ARAP2: variants seen among roughly 807,000 people sequenced by gnomAD.
ARAP2 encodes arf-GAP with Rho-GAP domain, ANK repeat and PH domain-containing protein 2.
Under a neutral mutation model 194.5 loss-of-function variants are expected in ARAP2, and 148 were observed. The observed-to-expected ratio is 0.76, with a 90% CI of 0.67 to 0.87. The LOEUF (loss-of-function observed/expected upper bound fraction) is 0.87, where lower values mean the gene tolerates loss of function less well. ARAP2 is among the 40% of genes least tolerant of loss of function. The pLI is 0.00. For synonymous variants in ARAP2, 695 were observed against 683.5 expected, an observed-to-expected ratio of 1.02 and a Z score of -0.26; for missense variants, 2,128 against 1,989.7, an observed-to-expected ratio of 1.07 and a Z score of -1.32.
At chr4:36,121,416 C>A in intron 22 of ARAP2, 90 bp from the exon 23 acceptor site, 3 of 1,201,704 alleles carry the variant, frequency 2.5e-6, no homozygotes, top group South Asian at 3.7e-5. Flanking sequence ...TTAAACACAG[C>A]AATATTGGAA....
intron 15 of ARAP2, among the ~76,000 whole-genome samples, chr4:36,156,405 A>G (rs868282646): frequency 0.033 from 384 of 11,506 alleles, 56 homozygotes; most frequent in African/African-American, 0.047. Flanking sequence ...GAAAGAAAGA[A>G]AGAAAGAAAG....
chr4:36,173,972 C>A (rs1046494536), intron 9 of ARAP2, among the ~76,000 whole-genome samples: 4 of 152,174 alleles, frequency 2.6e-5, no homozygotes, highest in Non-Finnish European at 5.9e-5. Flanking sequence ...TCATCATCAT[C>A]ATCAGAAAGG....
At position 36,081,816 on chromosome 4, in the gene ARAP2, G is replaced by T. The variant is rs190590582; in HGVS notation, c.4544+435C>A. On this transcript the variant is annotated intron_variant, in intron 30 of 32. Coordinates refer to ENST00000303965, the MANE Select transcript of ARAP2 (RefSeq NM_015230.4). Reference sequence around the variant, plus strand: ...CCGATTAGACACAGGGAGGTGAAGAGAAGGAAACATCTAGTACAATCTCTA... The same window carrying T: ...CCGATTAGACACAGGGAGGTGAAGATAAGGAAACATCTAGTACAATCTCTA... Among the ~76,000 whole-genome samples the T allele has an allele frequency of 2.0e-5, 3 of 152,130 alleles. No individual in the cohort carries two copies. In the East Asian group the frequency reaches 5.8e-4, roughly 29 times the overall value.
intron 16 of ARAP2, among the ~76,000 whole-genome samples, chr4:36,150,491 CA>C (rs1377073949): frequency 6.6e-6 from 1 of 151,802 alleles, no homozygotes; most frequent in Non-Finnish European, 1.5e-5. Flanking sequence ...ACTAAAAATA[CA>C]AAAATTAGCT....
intron 9 of ARAP2, among the ~76,000 whole-genome samples, chr4:36,171,427 A>T (rs1736598545): frequency 1.3e-5 from 2 of 151,888 alleles, no homozygotes; most frequent in Non-Finnish European, 2.9e-5. Flanking sequence ...AGGACAAAAA[A>T]CCAAACACCA....
intron 6 of ARAP2, 21 bp downstream of exon 6, chr4:36,210,367 GAA>G (rs778942779): frequency 6.5e-7 from 1 of 1,545,178 alleles, no homozygotes; most frequent in Admixed American, 2.2e-5. Flanking sequence ...TGCCACTTAT[GAA>G]ATAAATGCAT....
intron 23 of ARAP2, 23 bp from the exon 24 acceptor site, chr4:36,119,741 C>T: frequency 2.0e-6 from 3 of 1,518,256 alleles, no homozygotes; most frequent in Non-Finnish European, 2.7e-6. Context: ...TAATTCGGGA[C>T]ATTCTAATAA....
At chr4:36,093,008 T>C (rs560350631) in intron 27 of ARAP2, among the ~76,000 whole-genome samples, 2 of 152,234 alleles carry the variant, frequency 1.3e-5, no homozygotes, top group South Asian at 2.1e-4. Flanking sequence ...ATTTACATCA[T>C]GGAGTATTAT....
At chr4:36,194,598 A>AAGTGTAGAGAGCTTG (rs567993672) in intron 6 of ARAP2, among the ~76,000 whole-genome samples, 3 of 152,362 alleles carry the variant, frequency 2.0e-5, no homozygotes, top group Admixed American at 2.0e-4. Context: ...GAACTTCAGG[A>AAGTGTAGAGAGCTTG]AGTGTAGAGA....
chr4:36,228,439 C>CT lies in ARAP2; in HGVS notation c.905+142dup, dbSNP rs945503007. ...GAAATAATGTCCAATGGGATGAAGA[C>CT]TTTTTTTTTAAAAGAAAAGGTTGGT... is the stretch of plus-strand genomic sequence containing the variant. On this transcript the variant is annotated intron_variant, in intron 2 of 32. Coordinates refer to ENST00000303965, the MANE Select transcript of ARAP2 (RefSeq NM_015230.4). 560 of 860,936 alleles carry CT rather than the reference C, an allele frequency of 6.5e-4. 1 individual carries two copies. Among genetic ancestry groups the CT allele is most frequent in the Middle Eastern group, 1.1e-3 (3 of 2,796 alleles). 53.3% of individuals were successfully genotyped at this position (860,936 alleles called of 1,614,324 possible). A position where few individuals can be genotyped will look rare whatever the true frequency, so the allele number is the denominator to read the frequency against.
chr4:36,108,307 C>A (rs1345732955), intron 26 of ARAP2, among the ~76,000 whole-genome samples: 1 of 151,988 alleles, frequency 6.6e-6, no homozygotes, highest in Admixed American at 6.6e-5. Context: ...TTGTCCGTTA[C>A]TAAATAATAA....
At chr4:36,005,915 G>A (rs1713178952) in intron 10 of ARAP2, 2 of 152,138 alleles carry the variant, frequency 1.3e-5, no homozygotes. Flanking sequence ...ACAAGCAAGT[G>A]CAATTTCTAC....
chr4:36,218,730 G>A (rs896071296), intron 2 of ARAP2, among the ~76,000 whole-genome samples: 2 of 152,108 alleles, frequency 1.3e-5, no homozygotes, highest in Admixed American at 1.3e-4. Flanking sequence ...ACTAAATTAA[G>A]ATGAAGAACT....
chr4:36,082,307 A>AC lies in ARAP2; in HGVS notation c.4509-22_4509-21insG, dbSNP rs1553891913. 5.0e-6 allele frequency: 8 copies of AC among 1,600,564 alleles called. No homozygotes were observed. The African/African-American group carries it at 9.4e-5, about 19-fold the overall frequency. Reference sequence around the variant, plus strand: ...CCCAGCTGCATCACATAGAAAAAAAAACACACATAAATTAAAAATAATACA... The same window carrying AC: ...CCCAGCTGCATCACATAGAAAAAAAACACACACATAAATTAAAAATAATACA... On this transcript the variant is annotated intron_variant, in intron 29 of 32. Coordinates refer to ENST00000303965, the MANE Select transcript of ARAP2 (RefSeq NM_015230.4).
rs1237489165 is a variant in ARAP2, at chr4:36,072,681, C to CA, written c.4743+1007dup. 3.9e-3 allele frequency among the ~76,000 whole-genome samples: 559 copies of CA among 141,902 alleles called. 2 individuals carry two copies. The highest frequency in any genetic ancestry group is 6.2e-3 in the Non-Finnish European group (407 of 65,252). 93.1% of individuals were successfully genotyped at this position (141,902 alleles called of 152,430 possible). On this transcript the variant is annotated intron_variant, in intron 32 of 32. Coordinates refer to ENST00000303965, the MANE Select transcript of ARAP2 (RefSeq NM_015230.4). ...CTAAAAAAAAACAAAAAAAAAACCCCAAAAAAAACAAAAAAAAAAACTAGG... is the reference window on the plus strand; with the variant it reads ...CTAAAAAAAAACAAAAAAAAAACCCCAAAAAAAAACAAAAAAAAAAACTAGG...
At chr4:36,092,829 G>A (rs1009318602) in intron 27 of ARAP2, among the ~76,000 whole-genome samples, 11 of 151,992 alleles carry the variant, frequency 7.2e-5, no homozygotes, top group African/African-American at 2.2e-4. Flanking sequence ...CAATGCAAAT[G>A]CGCAGATAAA....
intron 30 of ARAP2, 27 bp from the exon 31 acceptor site, chr4:36,080,306 T>C (rs774178375): frequency 9.0e-5 from 142 of 1,585,820 alleles, no homozygotes; most frequent in South Asian, 1.1e-5. Context: ...ATAAACTATG[T>C]CATTCAAAAA....
At chr4:36,199,768 C>A (rs1743966292) in intron 6 of ARAP2, among the ~76,000 whole-genome samples, 1 of 152,148 alleles carries the variant, frequency 6.6e-6, no homozygotes, top group Admixed American at 6.5e-5. Flanking sequence ...TAATATACAG[C>A]ATGGTGACTA....
chr4:36,198,108 G>A (rs549905026), intron 6 of ARAP2, among the ~76,000 whole-genome samples: 2 of 152,302 alleles, frequency 1.3e-5, no homozygotes, highest in Admixed American at 6.5e-5. Flanking sequence ...TGAGCAAGGC[G>A]AAGAGGAGCT....
Sources: gnomAD v4.1 joint callset for allele counts (sites outside exome capture counted in the v4.1 genomes callset) on GRCh38, gnomAD v4.1.1 for gene constraint, MANE v1.5 for transcripts, NCBI Gene and HGNC (gene_info 2026-07-23, HGNC 2026-07-21) for gene names.